The following DENND2B variants were observed in gnomAD, a reference collection of about 807,000 sequenced individuals.
DENND2B encodes DENN domain-containing protein 2B.
A neutral mutation model predicts 116.0 loss-of-function variants in DENND2B; 32 were observed. The ratio of observed to expected loss-of-function variants is 0.28; its 90% CI spans 0.21 to 0.37. DENND2B has a LOEUF of 0.37. Among genes scored for constraint, DENND2B ranks in the 10% least tolerant of loss-of-function variants. The pLI, the probability that DENND2B is intolerant of heterozygous loss-of-function variation, is 1.00. For synonymous variants in DENND2B, 588 were observed against 583.9 expected, an observed-to-expected ratio of 1.01 and a Z score of -0.10; for missense variants, 1,276 against 1,477.7, an observed-to-expected ratio of 0.86 and a Z score of 2.24.
At chr11:8,748,113 A>G (rs1160938743) in intron 2 of DENND2B, among the ~76,000 whole-genome samples, 1 of 152,134 alleles carries the variant, frequency 6.6e-6, no homozygotes, top group African/African-American at 2.4e-5. Flanking sequence ...ATGATGTGGA[A>G]GTCCCCGACG....
intron 2 of DENND2B, among the ~76,000 whole-genome samples, chr11:8,859,330 CAG>C (rs2063311812): frequency 1.3e-5 from 2 of 151,930 alleles, no homozygotes; most frequent in South Asian, 4.1e-4. Flanking sequence ...TTTTTTGAGA[CAG>C]AGTCTCCCTC....
intron 2 of DENND2B, among the ~76,000 whole-genome samples, chr11:8,738,812 C>A (rs1347007912): frequency 2.0e-5 from 3 of 152,174 alleles, no homozygotes; most frequent in South Asian, 2.1e-4. Flanking sequence ...CCTACTTTCC[C>A]CTTCATTATC....
chr11:8,862,761 C>G (rs2742545), intron 2 of DENND2B, among the ~76,000 whole-genome samples: 78,274 of 151,888 alleles, frequency 0.52, 20,406 homozygotes, highest in Middle Eastern at 0.7. Flanking sequence ...AACGCTGACC[C>G]ACCAGGACCA....
upstream of DENND2B, among the ~76,000 whole-genome samples, chr11:8,814,250 A>G (rs531108804): frequency 6.8e-6 from 1 of 146,406 alleles, no homozygotes; most frequent in Admixed American, 7.0e-5. Context: ...CAAAGTCATT[A>G]GAGCTGTCTG....
At position 8,712,125 on chromosome 11, in the gene DENND2B, G is replaced by C. The variant is rs573281985; in HGVS notation, c.2172+426C>G. On this transcript the variant is annotated intron_variant, in intron 9 of 19. Coordinates refer to ENST00000313726, the MANE Select transcript of DENND2B (RefSeq NM_213618.2). The surrounding 1 kb of genome is among the most constrained non-coding windows in gnomAD (Gnocchi z 4.4). ...TGGCTGGCGACAAGCAGGGAAGGCG[G>C]AGTGAGAGACAGGCTGGTGGGAGAA... is the stretch of plus-strand genomic sequence containing the variant. 4.0e-4 allele frequency: 158 copies of C among 395,724 alleles called. No homozygotes were observed. The highest frequency in any genetic ancestry group is 3.1e-3 in the African/African-American group (149 of 48,484). The allele number at this position is 395,724 out of a possible 1,614,324, so 24.5% of individuals were successfully genotyped here.
intron 10 of DENND2B, 101 bp downstream of exon 10, chr11:8,711,021 G>A (rs561342446): frequency 9.0e-5 from 140 of 1,559,354 alleles, no homozygotes; most frequent in Non-Finnish European, 1.2e-4. Context: ...CCAGGTTGCT[G>A]TAGGAGAGGA....
At chr11:8,758,694 T>A (rs2054037785) in intron 1 of DENND2B, among the ~76,000 whole-genome samples, 1 of 152,196 alleles carries the variant, frequency 6.6e-6, no homozygotes, top group Non-Finnish European at 1.5e-5. Flanking sequence ...CACTCCTATA[T>A]GACAACAGTG....
chr11:8,847,008 A>G (rs1566046084), intron 3 of DENND2B, among the ~76,000 whole-genome samples: 1 of 152,160 alleles, frequency 6.6e-6, no homozygotes, highest in African/African-American at 2.4e-5. Flanking sequence ...CCAAATGTCT[A>G]TCTCTTTCAC....
intron 2 of DENND2B, among the ~76,000 whole-genome samples, chr11:8,865,347 T>C (rs77155759): frequency 2.6e-5 from 4 of 152,056 alleles, no homozygotes; most frequent in Admixed American, 6.5e-5. Context: ...TAGAAAAAAA[T>C]ATATATATTT....
chr11:8,699,488 T>C, intron 14 of DENND2B, 98 bp from the exon 15 acceptor site: 1 of 1,276,842 alleles, frequency 7.8e-7, no homozygotes, highest in Non-Finnish European at 1.1e-6. Flanking sequence ...AACCTCCCAG[T>C]GCAACAAAAA....
upstream of DENND2B, among the ~76,000 whole-genome samples, chr11:8,814,800 T>C (rs540831336): frequency 5.9e-5 from 9 of 152,270 alleles, no homozygotes; most frequent in Non-Finnish European, 8.8e-5. Context: ...TCAATAAATA[T>C]CTGCTGAATG....
chr11:8,771,306 G>C (rs1458478562), intron 1 of DENND2B, among the ~76,000 whole-genome samples: 5 of 151,982 alleles, frequency 3.3e-5, no homozygotes, highest in Admixed American at 6.6e-5. Flanking sequence ...ACGCTATGGG[G>C]AACAGTATAT....
chr11:8,808,409 CAT>C (rs908058240), intron 1 of DENND2B: 10 of 152,202 alleles, frequency 6.6e-5, no homozygotes, highest in African/African-American at 2.4e-4. Context: ...TATATAAACA[CAT>C]GAGTCAGGTG....
At chr11:8,874,227 T>A (rs1156421120), upstream of DENND2B, among the ~76,000 whole-genome samples, 1 of 152,228 alleles carries the variant, frequency 6.6e-6, no homozygotes, top group Non-Finnish European at 1.5e-5. Context: ...TTAGAAGCAG[T>A]AGCTTTGGTT....
chr11:8,805,290 C>T (rs1407673138), intron 1 of DENND2B, among the ~76,000 whole-genome samples: 1 of 152,186 alleles, frequency 6.6e-6, no homozygotes, highest in Non-Finnish European at 1.5e-5. Context: ...ACCTAAGAGT[C>T]ACTGAGAGTT....
Position 8,707,050 on chromosome 11 carries a change from C to T in DENND2B, c.2571+35G>A, listed in dbSNP as rs138910232. 4.2e-4 allele frequency: 675 copies of T among 1,594,892 alleles called. No individual in the cohort carries two copies. The African/African-American group carries it at 8.2e-3, about 19-fold the overall frequency. ...GCATGGTCCTCCTGCCACCCCAGCC[C>T]GTAGCCCGAGAGAAGAGGGTGCAGA... On this transcript the variant is annotated intron_variant, in intron 13 of 19. Coordinates refer to ENST00000313726, the MANE Select transcript of DENND2B (RefSeq NM_213618.2). This position sits in a 1 kb window ranked among gnomAD's most constrained non-coding sequence, Gnocchi z 4.8.
At chr11:8,904,173 T>C (rs1285879468) in intron 1 of DENND2B, among the ~76,000 whole-genome samples, 1 of 151,598 alleles carries the variant, frequency 6.6e-6, no homozygotes, top group African/African-American at 2.4e-5. Context: ...CACAGAAAAA[T>C]CCTCAGTAAA....
At chr11:8,783,389 T>C (rs2058591714) in intron 1 of DENND2B, among the ~76,000 whole-genome samples, 1 of 152,224 alleles carries the variant, frequency 6.6e-6, no homozygotes, top group East Asian at 1.9e-4. Context: ...TACAATGTAA[T>C]TCTATGCAGC....
At chr11:8,726,050 G>T in intron 4 of DENND2B, 23 bp downstream of exon 4, 2 of 1,613,660 alleles carry the variant, frequency 1.2e-6, no homozygotes, top group Non-Finnish European at 1.7e-6. Context: ...GATGACCCAG[G>T]TGCCACCTCT....
Sources: gnomAD v4.1 joint callset for allele counts (sites outside exome capture counted in the v4.1 genomes callset) on GRCh38, gnomAD v4.1.1 for gene constraint, Gnocchi (gnomAD v3.1) non-coding constraint, MANE v1.5 for transcripts, NCBI Gene and HGNC (gene_info 2026-07-23, HGNC 2026-07-21) for gene names.